CDK5RAP2: variants seen among roughly 807,000 people sequenced by gnomAD.
CDK5RAP2 encodes the protein CDK5 regulatory subunit associated protein 2, also known as CDK5 regulatory subunit-associated protein 2.
CDK5RAP2 carries 147 observed loss-of-function variants against 232.9 expected under a neutral mutation model. The observed-to-expected ratio is 0.63, with a 90% CI of 0.55 to 0.72. The LOEUF (loss-of-function observed/expected upper bound fraction) is 0.72, where lower values mean the gene tolerates loss of function less well. CDK5RAP2 is among the 30% of genes least tolerant of loss of function. The pLI is 0.00. For synonymous variants in CDK5RAP2, 833 were observed against 833.7 expected (o/e 1.00, Z 0.01); for missense variants, 2,195 against 2,231.5 (o/e 0.98, Z 0.33).
At chr9:120,440,475 T>C (rs758503923) in intron 23 of CDK5RAP2, 1 of 171,714 alleles carries the variant, frequency 5.8e-6, no homozygotes, top group Middle Eastern at 3.1e-3. Flanking sequence ...TACTCCTACC[T>C]AATGAACTCT....
chr9:120,495,651 G>C (rs1403432145), intron 12 of CDK5RAP2, among the ~76,000 whole-genome samples: 321 of 74,824 alleles, frequency 4.3e-3, no homozygotes, highest in East Asian at 7.1e-3. Flanking sequence ...CGGGAGGGAG[G>C]TGGGGGGGGG....
intron 4 of CDK5RAP2, among the ~76,000 whole-genome samples, chr9:120,546,173 G>A (rs1320399350): frequency 6.6e-6 from 1 of 152,098 alleles, no homozygotes; most frequent in African/African-American, 2.4e-5. Context: ...AATTACTGGT[G>A]GTTGTTTACA....
chr9:120,577,374 A>G (rs570575289), intron 1 of CDK5RAP2, among the ~76,000 whole-genome samples: 1 of 152,206 alleles, frequency 6.6e-6, no homozygotes, highest in East Asian at 1.9e-4. Context: ...AAAAAAAAAA[A>G]AAAATCATAG....
chr9:120,570,729 C>T (rs2042822746), intron 2 of CDK5RAP2, among the ~76,000 whole-genome samples: 3 of 152,118 alleles, frequency 2.0e-5, no homozygotes, highest in Admixed American at 2.0e-4. Flanking sequence ...ATCCCAGCTA[C>T]TCGGGAGGCT....
At chr9:120,477,299 A>ATG in intron 15 of CDK5RAP2, 51 bp downstream of exon 15, 4 of 1,281,768 alleles carry the variant, frequency 3.1e-6, no homozygotes, top group Non-Finnish European at 4.5e-6. Context: ...ATGCGCGTGC[A>ATG]TGTGTGTGTG....
intron 1 of CDK5RAP2, among the ~76,000 whole-genome samples, chr9:120,573,399 A>C (rs889196142): frequency 1.3e-5 from 2 of 152,092 alleles, no homozygotes; most frequent in Non-Finnish European, 2.9e-5. Flanking sequence ...AAATACAAAA[A>C]TTAGCCGGGC....
intron 7 of CDK5RAP2, 50 bp from the exon 8 acceptor site, chr9:120,530,190 C>CCACTGAGCTAAGAG: frequency 6.8e-7 from 1 of 1,460,050 alleles, no homozygotes; most frequent in South Asian, 1.1e-5. Context: ...TCTCTTAGCT[C>CCACTGAGCTAAGAG]AGTGGAGCTG....
At chr9:120,563,728 A>C (rs2042543800) in intron 3 of CDK5RAP2, among the ~76,000 whole-genome samples, 1 of 152,170 alleles carries the variant, frequency 6.6e-6, no homozygotes, top group African/African-American at 2.4e-5. Flanking sequence ...GTGCTTCTGA[A>C]AGCTTCGGGG....
intron 35 of CDK5RAP2, among the ~76,000 whole-genome samples, chr9:120,398,628 C>G (rs76200901): frequency 2.0e-5 from 3 of 152,180 alleles, no homozygotes; most frequent in African/African-American, 7.2e-5. Context: ...ATCTACAAAA[C>G]AAGGTCTATT....
At chr9:120,520,059 T>C (rs2040546187) in intron 11 of CDK5RAP2, among the ~76,000 whole-genome samples, 1 of 152,246 alleles carries the variant, frequency 6.6e-6, no homozygotes, top group Non-Finnish European at 1.5e-5. Context: ...ATACATATGA[T>C]TATCAAATAT....
At chr9:120,568,414 A>G (rs752091209) in intron 2 of CDK5RAP2, 26 bp from the exon 3 acceptor site, 3 of 1,542,052 alleles carry the variant, frequency 1.9e-6, no homozygotes, top group Non-Finnish European at 2.7e-6. Flanking sequence ...ATAGAGGAAA[A>G]CGTCACAGCA....
intron 13 of CDK5RAP2, among the ~76,000 whole-genome samples, chr9:120,488,641 A>C (rs966611190): frequency 7.2e-5 from 11 of 152,228 alleles, no homozygotes; most frequent in African/African-American, 2.4e-4. Flanking sequence ...CTGCCATAGA[A>C]GTTTAAGGAT....
Position 120,403,056 on chromosome 9 carries a change from G to A in CDK5RAP2, c.5057C>T (p.Pro1686Leu). The change falls in exon 34 of 38, where the codon CCA becomes CTA. Residue 1686 changes from proline (P) to leucine (L), a missense_variant. Transcript: ENST00000349780. The surrounding 1 kb of genome is among the most constrained non-coding windows in gnomAD (Gnocchi z 4.2). ...VTPKSVSETP[P>L]LSGNDTDSLS... The stretch of plus-strand genomic sequence containing the variant: ...GGAGTCCGTGTCATTCCCAGAGAGT[G>A]GAGGAGTCTCTGAAACTGTAAAATG... The A allele has an allele frequency of 1.9e-6, 3 of 1,614,018 alleles. No individual in the cohort carries two copies. Among genetic ancestry groups the A allele is most frequent in the Non-Finnish European group, 2.5e-6 (3 of 1,179,896 alleles).
chr9:120,492,170 A>G (rs776342251), intron 12 of CDK5RAP2, among the ~76,000 whole-genome samples: 10 of 152,194 alleles, frequency 6.6e-5, no homozygotes, highest in Non-Finnish European at 1.5e-4. Flanking sequence ...AGCACTATTC[A>G]TAATAGCAAA....
At chr9:120,394,766 A>G in intron 35 of CDK5RAP2, 128 bp from the exon 36 acceptor site, 1 of 846,916 alleles carries the variant, frequency 1.2e-6, no homozygotes. Flanking sequence ...TGGAAACTAG[A>G]AGCCTTTTCC....
intron 12 of CDK5RAP2, among the ~76,000 whole-genome samples, chr9:120,503,766 G>A (rs1462018817): frequency 6.6e-6 from 1 of 152,026 alleles, no homozygotes; most frequent in Non-Finnish European, 1.5e-5. Flanking sequence ...AAATGAAGCC[G>A]TGTCACCTCT....
intron 25 of CDK5RAP2, among the ~76,000 whole-genome samples, chr9:120,429,779 C>G (rs1471828873): frequency 6.6e-6 from 1 of 151,994 alleles, no homozygotes; most frequent in Non-Finnish European, 1.5e-5. Context: ...CATATGGAAC[C>G]AAAAAAGAGC....
intron 9 of CDK5RAP2, 82 bp from the exon 10 acceptor site, chr9:120,528,007 C>G: frequency 6.6e-7 from 1 of 1,521,516 alleles, no homozygotes; most frequent in South Asian, 1.1e-5. Context: ...AGAGCACACT[C>G]AAATGCAGTT....
chr9:120,549,082 G>T (rs2041957131), intron 4 of CDK5RAP2, among the ~76,000 whole-genome samples: 1 of 151,920 alleles, frequency 6.6e-6, no homozygotes, highest in Non-Finnish European at 1.5e-5. Context: ...CTTGAACCTG[G>T]GAGGCAGAGG....
Sources: allele counts gnomAD v4.1 joint callset (sites outside exome capture counted in the v4.1 genomes callset), GRCh38; gene constraint gnomAD v4.1.1; non-coding constraint Gnocchi (gnomAD v3.1); transcripts MANE v1.5; gene names NCBI Gene and HGNC (gene_info 2026-07-23, HGNC 2026-07-21).